The following TMEM229B variants were observed in gnomAD, a reference collection of about 807,000 sequenced individuals.
The protein encoded by TMEM229B is chromosome 14 open reading frame 83.
Under a neutral mutation model 13.7 loss-of-function variants are expected in TMEM229B, and 6 were observed. The ratio of observed to expected loss-of-function variants is 0.44; its 90% CI spans 0.24 to 0.86. TMEM229B has a LOEUF of 0.86. TMEM229B is among the 40% of genes least tolerant of loss of function. TMEM229B has a pLI of 0.23. For missense variants in TMEM229B, 170 were observed against 236.0 expected, an observed-to-expected ratio of 0.72 and a Z score of 1.83; for synonymous variants, 107 against 102.1, an observed-to-expected ratio of 1.05 and a Z score of -0.29.
chr14:67,485,334 A>G (rs1345014531), intron 2 of TMEM229B, among the ~76,000 whole-genome samples: 3 of 152,158 alleles, frequency 2.0e-5, no homozygotes, highest in Non-Finnish European at 2.9e-5. Flanking sequence ...TCAAGAACAC[A>G]CTTCCTGAGA....
chr14:67,517,939 G>A (rs975827340), upstream of TMEM229B, among the ~76,000 whole-genome samples: 5 of 152,214 alleles, frequency 3.3e-5, no homozygotes, highest in African/African-American at 1.2e-4. Flanking sequence ...GGTGCACAGG[G>A]TAGAGCAGTC....
In TMEM229B at chr14:67,473,104, G is replaced by T; in HGVS notation, c.*316C>A. 1 of 359,036 alleles carries T rather than the reference G, an allele frequency of 2.8e-6. No homozygotes were observed. Among genetic ancestry groups the T allele is most frequent in the Non-Finnish European group, 5.2e-6 (1 of 191,604 alleles). 22.2% of individuals were successfully genotyped at this position (359,036 alleles called of 1,614,324 possible). On this transcript the variant is annotated 3_prime_UTR_variant, in exon 3 of 3. Coordinates refer to ENST00000554480, the MANE Select transcript of TMEM229B (RefSeq NM_001348543.2). The surrounding 1 kb of genome is among the most constrained non-coding windows in gnomAD (Gnocchi z 6.5). ...CTCATTGTCCCTTGGCCAGGACAGG[G>T]CCTGCTGCTTCCAAAGTCAACTACA...
chr14:67,504,078 A>G (rs2032724545), intron 1 of TMEM229B, among the ~76,000 whole-genome samples: 1 of 151,126 alleles, frequency 6.6e-6, no homozygotes, highest in East Asian at 1.9e-4. Context: ...CAGTCGTGCG[A>G]TCTCGGCTCA....
intron 2 of TMEM229B, among the ~76,000 whole-genome samples, chr14:67,474,314 T>C (rs1054330505): frequency 1.3e-5 from 2 of 151,838 alleles, no homozygotes. Flanking sequence ...CCCCACTGAC[T>C]TCTCTGCAAC....
At chr14:67,497,326 T>C (rs1159006634) in intron 1 of TMEM229B, among the ~76,000 whole-genome samples, 1 of 152,048 alleles carries the variant, frequency 6.6e-6, no homozygotes, top group Admixed American at 6.6e-5. Context: ...TGGAGTTAAG[T>C]GTAACCTGCC....
At chr14:67,511,716 C>T (rs2033032943) in intron 1 of TMEM229B, among the ~76,000 whole-genome samples, 1 of 152,204 alleles carries the variant, frequency 6.6e-6, no homozygotes, top group Non-Finnish European at 1.5e-5. Context: ...AGGGGGCCAG[C>T]ATCACTCTGT....
At chr14:67,496,886 C>G (rs1238413205) in intron 1 of TMEM229B, among the ~76,000 whole-genome samples, 1 of 151,972 alleles carries the variant, frequency 6.6e-6, no homozygotes, top group African/African-American at 2.4e-5. Context: ...CAACCTCTGC[C>G]TCCCGGGTTC....
chr14:67,489,818 A>C (rs377399951), upstream of TMEM229B, among the ~76,000 whole-genome samples: 1 of 152,126 alleles, frequency 6.6e-6, no homozygotes, highest in Non-Finnish European at 1.5e-5. Flanking sequence ...GTGAAACCCC[A>C]TCTCTACTAA....
chr14:67,502,671 CA>C (rs2032658229), intron 1 of TMEM229B, among the ~76,000 whole-genome samples: 1 of 151,920 alleles, frequency 6.6e-6, no homozygotes, highest in Non-Finnish European at 1.5e-5. Flanking sequence ...AGGCTGGTCT[CA>C]AACTCCCGAC....
rs577060287 is a variant in TMEM229B, at chr14:67,485,798, C to T, written c.-19+1202G>A. Among the ~76,000 whole-genome samples, 16 of 152,360 alleles carry T rather than the reference C, an allele frequency of 1.1e-4. 1 individual carries two copies. The South Asian group carries it at 3.3e-3, about 32-fold the overall frequency. ...CAGGCAGGGCTGTGCAGTTAGGAGC[C>T]TCTCACCCTACCTCGAGCTTGTCTC... On this transcript the variant is annotated intron_variant, in intron 2 of 2. Coordinates refer to ENST00000554480, the MANE Select transcript of TMEM229B (RefSeq NM_001348543.2).
intron 1 of TMEM229B, among the ~76,000 whole-genome samples, chr14:67,526,643 T>C (rs1382120679): frequency 6.6e-6 from 1 of 152,170 alleles, no homozygotes; most frequent in East Asian, 1.9e-4. Context: ...TCACCACATT[T>C]AGAGGTGACC....
rs2030988453 is a variant in TMEM229B, at chr14:67,473,981, G to A, written c.-18-40C>T. 5 of 1,518,444 alleles carry A rather than the reference G, an allele frequency of 3.3e-6. No individual in the cohort carries two copies. In the South Asian group the frequency reaches 3.9e-5, roughly 12 times the overall value. The allele number at this position is 1,518,444 out of a possible 1,614,324, so 94.1% of individuals were successfully genotyped here. Reference sequence around the variant, plus strand: ...AGAGAGACAGGTGAGGGCCGGGCGCGGTGGCTCACGCCTATAATCCCTGCG... The same window carrying A: ...AGAGAGACAGGTGAGGGCCGGGCGCAGTGGCTCACGCCTATAATCCCTGCG... On this transcript the variant is annotated intron_variant, in intron 2 of 2. Coordinates refer to ENST00000554480, the MANE Select transcript of TMEM229B (RefSeq NM_001348543.2). The surrounding 1 kb of genome is among the most constrained non-coding windows in gnomAD (Gnocchi z 6.5).
chr14:67,514,546 G>A (rs1195698372), intron 1 of TMEM229B, among the ~76,000 whole-genome samples: 3 of 152,086 alleles, frequency 2.0e-5, no homozygotes, highest in Non-Finnish European at 4.4e-5. Context: ...GCACCCTGGG[G>A]AGAAGGCGGC....
chr14:67,513,475 A>G (rs1566702321), intron 1 of TMEM229B, among the ~76,000 whole-genome samples: 2 of 152,186 alleles, frequency 1.3e-5, no homozygotes, highest in South Asian at 2.1e-4. Flanking sequence ...TCCTGTACCT[A>G]TAAGTGGCCA....
At chr14:67,476,260 C>G (rs1187235820) in intron 2 of TMEM229B, among the ~76,000 whole-genome samples, 1 of 152,192 alleles carries the variant, frequency 6.6e-6, no homozygotes, top group Non-Finnish European at 1.5e-5. Flanking sequence ...GTCTTCCAAG[C>G]ACTTCGTTCG....
chr14:67,481,523 A>G (rs1243277128), intron 2 of TMEM229B, among the ~76,000 whole-genome samples: 1 of 152,204 alleles, frequency 6.6e-6, no homozygotes, highest in Non-Finnish European at 1.5e-5. Flanking sequence ...GGGGTTGAAG[A>G]GAAAGGAATA....
At chr14:67,508,670 C>A (rs2032915891) in intron 1 of TMEM229B, among the ~76,000 whole-genome samples, 1 of 144,724 alleles carries the variant, frequency 6.9e-6, no homozygotes, top group Non-Finnish European at 1.5e-5. Context: ...CCCTTGAGCC[C>A]AGGAGATAGA....
chr14:67,516,402 G>C (rs983803476), upstream of TMEM229B, among the ~76,000 whole-genome samples: 2 of 152,274 alleles, frequency 1.3e-5, 1 homozygote, highest in Middle Eastern at 6.8e-3. Context: ...CTGGAGAGGG[G>C]GGGAAATGAG....
upstream of TMEM229B, among the ~76,000 whole-genome samples, chr14:67,517,760 T>C (rs1278362650): frequency 6.6e-6 from 1 of 152,222 alleles, no homozygotes; most frequent in Non-Finnish European, 1.5e-5. Flanking sequence ...GTAGGACAGC[T>C]ATTTTTATCT....
Sources: gnomAD v4.1 joint callset for allele counts (sites outside exome capture counted in the v4.1 genomes callset) on GRCh38, gnomAD v4.1.1 for gene constraint, Gnocchi (gnomAD v3.1) non-coding constraint, MANE v1.5 for transcripts, NCBI Gene and HGNC (gene_info 2026-07-23, HGNC 2026-07-21) for gene names.